The following UNC80 variants were observed in gnomAD, a reference collection of about 807,000 sequenced individuals.
UNC80 encodes the protein protein unc-80 homolog.
Under a neutral mutation model 384.6 loss-of-function variants are expected in UNC80, and 164 were observed. That is an observed-to-expected ratio of 0.43 (90% CI 0.38 to 0.49). The LOEUF (loss-of-function observed/expected upper bound fraction) is 0.49. Among genes scored for constraint, UNC80 ranks in the 20% least tolerant of loss-of-function variants. UNC80 has a pLI of 0.00. For missense variants in UNC80, 3,330 were observed against 4,143.0 expected, an observed-to-expected ratio of 0.80 and a Z score of 5.39; for synonymous variants, 1,486 against 1,527.8, an observed-to-expected ratio of 0.97 and a Z score of 0.64.
At chr2:209,904,706 TG>T in intron 28 of UNC80, 58 bp from the exon 29 acceptor site, 1 of 1,424,086 alleles carries the variant, frequency 7.0e-7, no homozygotes, top group African/African-American at 1.4e-5. Flanking sequence ...CCCATAGATA[TG>T]TTCAGTTTAT....
chr2:209,841,656 G>A (rs1412343166), intron 20 of UNC80, among the ~76,000 whole-genome samples: 1 of 152,026 alleles, frequency 6.6e-6, no homozygotes, highest in Admixed American at 6.6e-5. Flanking sequence ...AGCCAAACCA[G>A]TTTTCTTTTA....
At chr2:209,902,905 G>C (rs1438687759) in intron 28 of UNC80, among the ~76,000 whole-genome samples, 1 of 6,116 alleles carries the variant, frequency 1.6e-4, no homozygotes, top group Non-Finnish European at 3.3e-4. Context: ...CTGTATACAC[G>C]TGTGTGTGTG....
At chr2:209,951,301 C>T (rs867804581) in intron 47 of UNC80, among the ~76,000 whole-genome samples, 213 of 122,296 alleles carry the variant, frequency 1.7e-3, no homozygotes, top group African/African-American at 9.2e-3. Flanking sequence ...TTTTTTTTCT[C>T]TCTCTCTCTC....
chr2:209,853,799 A>G (rs2082699148), intron 22 of UNC80, among the ~76,000 whole-genome samples: 1 of 152,112 alleles, frequency 6.6e-6, no homozygotes, highest in Non-Finnish European at 1.5e-5. Context: ...CATGAATAAC[A>G]CTAATACCAA....
intron 4 of UNC80, among the ~76,000 whole-genome samples, chr2:209,779,192 ACCTACC>A (rs1227165170): frequency 6.6e-6 from 1 of 152,116 alleles, no homozygotes; most frequent in Non-Finnish European, 1.5e-5. Flanking sequence ...GCTCTGCAGG[ACCTACC>A]CCTGTGCACC....
At chr2:209,791,454 A>G (rs1220278905) in intron 6 of UNC80, among the ~76,000 whole-genome samples, 1 of 152,126 alleles carries the variant, frequency 6.6e-6, no homozygotes, top group Admixed American at 6.6e-5. Context: ...GTTATCTATT[A>G]TCTCTAACTT....
chr2:209,818,931 C>G, intron 11 of UNC80, 62 bp from the exon 12 acceptor site: 1 of 1,492,300 alleles, frequency 6.7e-7, no homozygotes, highest in Non-Finnish European at 9.0e-7. Context: ...AATAGTATAA[C>G]TGTCTAACTG....
chr2:209,890,565 A>G (rs2124910601), intron 26 of UNC80, among the ~76,000 whole-genome samples: 1 of 152,384 alleles, frequency 6.6e-6, no homozygotes, highest in African/African-American at 2.4e-5. Flanking sequence ...TGCATGACAA[A>G]TACCAATTTC....
intron 64 of UNC80, 67 bp from the exon 65 acceptor site, chr2:209,995,262 A>C: frequency 6.6e-7 from 1 of 1,521,496 alleles, no homozygotes; most frequent in Non-Finnish European, 8.8e-7. Context: ...AGACAACAAC[A>C]TTTTTTGATG....
In UNC80 at chr2:209,772,026, A is replaced by C. The variant is rs745585262; in HGVS notation, c.-47A>C. The stretch of plus-strand genomic sequence containing the variant: ...GAGGAGGCGGCGGCGGCGGCTAGCG[A>C]GGAGACAGAGCTGGGTCCTGCAGTA... On this transcript the variant is annotated 5_prime_UTR_variant, in exon 1 of 65. Coordinates refer to ENST00000673920, the MANE Select transcript of UNC80 (RefSeq NM_001371986.1). 1 of 1,405,370 alleles carries C rather than the reference A, an allele frequency of 7.1e-7. No individual in the cohort carries two copies. Among genetic ancestry groups the C allele is most frequent in the Non-Finnish European group, 9.8e-7 (1 of 1,016,858 alleles). 87.1% of individuals were successfully genotyped at this position (1,405,370 alleles called of 1,614,324 possible). A position where few individuals can be genotyped will look rare whatever the true frequency, so the allele number is the denominator to read the frequency against.
Position 209,817,101 on chromosome 2 carries a change from G to C in UNC80, c.1528G>C (p.Gly510Arg). Residue 510 changes from glycine to arginine, a missense_variant, in exon 10 of 65, where the codon GGA (glycine) becomes CGA (arginine). By Grantham distance (125) the Gly-to-Arg change is moderately radical. Transcript: ENST00000673920. ...LGEDRRGIEK[G>R]GWQTTILGKL... is the part of the protein sequence containing the mutation. ...AGAAGACAGGCGAGGAATTGAGAAA[G>C]GAGGCTGGCAAACCACCATTTTAGG... 6.4e-7 allele frequency: 1 copy of C among 1,551,686 alleles called. No homozygotes were observed. Among genetic ancestry groups the C allele is most frequent in the Non-Finnish European group, 8.7e-7 (1 of 1,147,004 alleles).
chr2:209,818,761 G>A (rs1467446424), intron 11 of UNC80, among the ~76,000 whole-genome samples: 1 of 152,126 alleles, frequency 6.6e-6, no homozygotes, highest in East Asian at 1.9e-4. Flanking sequence ...CAGCCTTAAG[G>A]AAGCCAGTTA....
intron 60 of UNC80, among the ~76,000 whole-genome samples, chr2:209,984,406 T>C (rs1575225243): frequency 6.6e-6 from 1 of 152,200 alleles, no homozygotes; most frequent in South Asian, 2.1e-4. Flanking sequence ...TGGTAAGTGG[T>C]TTCTGTGTGC....
At chr2:209,834,240 G>A in intron 17 of UNC80, 72 bp downstream of exon 17, 1 of 1,471,654 alleles carries the variant, frequency 6.8e-7, no homozygotes, top group South Asian at 1.3e-5. Flanking sequence ...TGTACTGTTT[G>A]TGTGGTTCCT....
intron 13 of UNC80, among the ~76,000 whole-genome samples, chr2:209,823,882 A>C (rs1263794488): frequency 6.6e-6 from 1 of 152,076 alleles, no homozygotes; most frequent in Non-Finnish European, 1.5e-5. Context: ...AAAAATCTGA[A>C]ATCTAAAATG....
chr2:209,844,633 A>G (rs2082046524), intron 21 of UNC80, among the ~76,000 whole-genome samples: 1 of 148,782 alleles, frequency 6.7e-6, no homozygotes, highest in East Asian at 2.0e-4. Flanking sequence ...CCTGTCACCC[A>G]TGCTGGAGTG....
intron 24 of UNC80, among the ~76,000 whole-genome samples, chr2:209,880,120 G>T (rs754547193): frequency 4.6e-5 from 7 of 151,854 alleles, no homozygotes; most frequent in Non-Finnish European, 1.0e-4. Flanking sequence ...TTCTGAACAC[G>T]TAAATAATAT....
chr2:209,941,135 C>T, intron 43 of UNC80, 86 bp from the exon 44 acceptor site: 1 of 1,404,780 alleles, frequency 7.1e-7, no homozygotes, highest in South Asian at 1.7e-5. Flanking sequence ...AAACGGAGAA[C>T]AGCAGCGCCT....
At chr2:209,939,915 C>T (rs2091514754) in intron 43 of UNC80, among the ~76,000 whole-genome samples, 1 of 152,172 alleles carries the variant, frequency 6.6e-6, no homozygotes, top group Admixed American at 6.5e-5. Flanking sequence ...AAAACCAGTG[C>T]TTCTCAGACC....
Sources: allele counts gnomAD v4.1 joint callset (sites outside exome capture counted in the v4.1 genomes callset), GRCh38; gene constraint gnomAD v4.1.1; transcripts MANE v1.5; gene names NCBI Gene and HGNC (gene_info 2026-07-23, HGNC 2026-07-21).